MAN2A1: variants seen among roughly 807,000 people sequenced by gnomAD.
The protein encoded by MAN2A1 is alpha-mannosidase 2.
Under a neutral mutation model 142.6 loss-of-function variants are expected in MAN2A1, and 76 were observed. The ratio of observed to expected loss-of-function variants is 0.53; its 90% CI spans 0.44 to 0.65. The LOEUF is 0.65. MAN2A1 is among the 30% of genes least tolerant of loss of function. MAN2A1 has a pLI of 0.00. For missense variants in MAN2A1, 1,311 were observed against 1,365.1 expected (o/e 0.96, Z 0.62); for synonymous variants, 559 against 473.2 (o/e 1.18, Z -2.35).
intron 15 of MAN2A1, among the ~76,000 whole-genome samples, chr5:109,822,802 C>T (rs754123408): frequency 2.6e-5 from 4 of 152,212 alleles, no homozygotes; most frequent in Non-Finnish European, 4.4e-5. Flanking sequence ...CTCAGCCTCC[C>T]GAGTAGCTGG....
At chr5:109,700,013 G>A (rs1251219649) in intron 1 of MAN2A1, among the ~76,000 whole-genome samples, 1 of 152,166 alleles carries the variant, frequency 6.6e-6, no homozygotes, top group African/African-American at 2.4e-5. Context: ...GAGCATTAGA[G>A]CAAGTGGAGT....
At chr5:109,766,212 A>C (rs572102565) in intron 5 of MAN2A1, among the ~76,000 whole-genome samples, 1 of 152,218 alleles carries the variant, frequency 6.6e-6, no homozygotes, top group South Asian at 2.1e-4. Flanking sequence ...CCACATTTGT[A>C]GTTACTTATC....
In MAN2A1 at chr5:109,847,725, C is replaced by G. The variant is rs777656470; in HGVS notation, c.2911C>G (p.Gln971Glu). Reference sequence around the variant, plus strand: ...TAATCGTGGCCTTGAGCAAGGTATCCAGGATAACAAGATTACAGCTAATCT... The same window carrying G: ...TAATCGTGGCCTTGAGCAAGGTATCGAGGATAACAAGATTACAGCTAATCT... ...DDNRGLEQGI[Q>E]DNKITANLFR... Residue 971 changes from glutamine (Q) to glutamate (E), a missense_variant, in exon 19 of 22, where the codon CAG becomes GAG. Coordinates refer to ENST00000261483, the MANE Select transcript of MAN2A1 (RefSeq NM_002372.4). 2.5e-6 allele frequency: 4 copies of G among 1,601,480 alleles called. No individual in the cohort carries two copies. The highest frequency in any genetic ancestry group is 2.3e-5 in the South Asian group (2 of 88,836).
At chr5:109,691,432 G>A (rs1351262752) in intron 1 of MAN2A1, among the ~76,000 whole-genome samples, 3 of 152,208 alleles carry the variant, frequency 2.0e-5, no homozygotes, top group Admixed American at 6.5e-5. Flanking sequence ...TGTGTAGTGT[G>A]CTCTGTAACG....
intron 5 of MAN2A1, among the ~76,000 whole-genome samples, chr5:109,765,520 C>T (rs1399937294): frequency 2.6e-5 from 4 of 152,106 alleles, no homozygotes; most frequent in African/African-American, 9.7e-5. Context: ...TAAGGTTTGT[C>T]TGCTAAGTTT....
At chr5:109,731,483 G>C (rs559554991) in intron 4 of MAN2A1, among the ~76,000 whole-genome samples, 75 of 148,340 alleles carry the variant, frequency 5.1e-4, no homozygotes, top group African/African-American at 1.8e-3. Flanking sequence ...TTAGCATTAG[G>C]TATATCACCT....
Position 109,839,155 on chromosome 5 carries a change from C to T in MAN2A1, c.2567-3173C>T, listed in dbSNP as rs190499195. ...TCATCAGCTAAGCTCCCTAGTATTA[C>T]GTGAATACTATCATGCTTGGTGCTA... On this transcript the variant is annotated intron_variant, in intron 16 of 21. Coordinates refer to ENST00000261483, the MANE Select transcript of MAN2A1 (RefSeq NM_002372.4). 4.3e-4 allele frequency among the ~76,000 whole-genome samples: 66 copies of T among 152,248 alleles called. 1 individual carries two copies. Among genetic ancestry groups the T allele is most frequent in the Middle Eastern group, 6.8e-3 (2 of 294 alleles).
intron 12 of MAN2A1, among the ~76,000 whole-genome samples, chr5:109,807,983 A>G (rs1754212873): frequency 6.6e-6 from 1 of 152,196 alleles, no homozygotes; most frequent in African/African-American, 2.4e-5. Flanking sequence ...AAATTTGACC[A>G]TGTTAAACCT....
Position 109,789,609 on chromosome 5 carries a change from G to T in MAN2A1, c.1943+82G>T, listed in dbSNP as rs917533650. On this transcript the variant is annotated intron_variant, in intron 12 of 21. Coordinates refer to ENST00000261483, the MANE Select transcript of MAN2A1 (RefSeq NM_002372.4). ...TTTATGGTTCTGGTTTTTAGTTAGC[G>T]TATATTTTGAGGCAATCAATTTATT... The T allele has an allele frequency of 2.0e-5, 18 of 907,636 alleles. No individual in the cohort carries two copies. In the East Asian group the frequency reaches 3.4e-4, roughly 17 times the overall value. The allele number at this position is 907,636 out of a possible 1,614,324, so 56.2% of individuals were successfully genotyped here. A position where few individuals can be genotyped will look rare whatever the true frequency, so the allele number is the denominator to read the frequency against.
intron 16 of MAN2A1, 127 bp from the exon 17 acceptor site, chr5:109,842,201 G>C (rs918887802): frequency 7.2e-6 from 4 of 553,162 alleles, no homozygotes; most frequent in Admixed American, 3.8e-5. Flanking sequence ...TATTATATGA[G>C]AGATGTTAAG....
At chr5:109,792,946 C>T (rs991580139) in intron 12 of MAN2A1, among the ~76,000 whole-genome samples, 1 of 152,070 alleles carries the variant, frequency 6.6e-6, no homozygotes, top group East Asian at 1.9e-4. Context: ...AGCAAGACTT[C>T]TTAAGACCTA....
chr5:109,721,554 CT>C (rs746448022), intron 3 of MAN2A1, among the ~76,000 whole-genome samples: 3 of 152,164 alleles, frequency 2.0e-5, no homozygotes, highest in Admixed American at 6.6e-5. Flanking sequence ...TTCAACTTGG[CT>C]GTGCATTTTA....
intron 19 of MAN2A1, among the ~76,000 whole-genome samples, chr5:109,852,362 T>C (rs774459625): frequency 3.9e-5 from 6 of 152,182 alleles, no homozygotes; most frequent in Non-Finnish European, 8.8e-5. Flanking sequence ...CTTATTAAAT[T>C]AATAGATTTA....
At chr5:109,723,082 A>G (rs1189847921) in intron 3 of MAN2A1, among the ~76,000 whole-genome samples, 3 of 152,138 alleles carry the variant, frequency 2.0e-5, no homozygotes, top group East Asian at 1.9e-4. Flanking sequence ...TAGAAAAGCA[A>G]TATAATAAGG....
intron 8 of MAN2A1, among the ~76,000 whole-genome samples, chr5:109,779,656 T>C (rs936444505): frequency 1.2e-4 from 19 of 152,088 alleles, no homozygotes; most frequent in Admixed American, 8.5e-4. Flanking sequence ...ACATATTGAG[T>C]GCGTATTATT....
At position 109,690,137 on chromosome 5, in the gene MAN2A1, G is replaced by C. The variant is rs1242081590; in HGVS notation, c.-281G>C. The C allele has an allele frequency of 2.6e-6, 1 of 390,518 alleles. No individual in the cohort carries two copies. 24.2% of individuals were successfully genotyped at this position (390,518 alleles called of 1,614,324 possible). On this transcript the variant is annotated 5_prime_UTR_variant, in exon 1 of 22. Transcript: ENST00000261483. ...TGCCGGAGGTCGGCGCTGAGCTTGC[G>C]ATCAAGTTTGTGGGGGCCCCCCTTC...
At chr5:109,810,752 C>T (rs1056949683) in intron 12 of MAN2A1, among the ~76,000 whole-genome samples, 4 of 152,120 alleles carry the variant, frequency 2.6e-5, no homozygotes, top group Admixed American at 2.6e-4. Context: ...GAAGTTTTTT[C>T]CTCTCTTCAG....
chr5:109,765,505 C>G (rs73219359), intron 5 of MAN2A1, among the ~76,000 whole-genome samples: 4,542 of 152,176 alleles, frequency 0.03, 79 homozygotes, highest in Middle Eastern at 0.054. Flanking sequence ...CTGGGAACAA[C>G]TAGTTAAGGT....
At chr5:109,801,090 A>G (rs936282288) in intron 12 of MAN2A1, among the ~76,000 whole-genome samples, 1 of 152,122 alleles carries the variant, frequency 6.6e-6, no homozygotes, top group Non-Finnish European at 1.5e-5. Flanking sequence ...TACAACAGAA[A>G]CCTTATTACA....
Sources: allele counts gnomAD v4.1 joint callset (sites outside exome capture counted in the v4.1 genomes callset), GRCh38; gene constraint gnomAD v4.1.1; transcripts MANE v1.5; gene names NCBI Gene and HGNC (gene_info 2026-07-23, HGNC 2026-07-21).